GABRG3: variants seen among roughly 807,000 people sequenced by gnomAD.
GABRG3 encodes the protein gamma-aminobutyric acid type A receptor subunit gamma3, also known as gamma-aminobutyric acid receptor subunit gamma-3.
GABRG3 carries 25 observed loss-of-function variants against 48.8 expected under a neutral mutation model. The observed-to-expected ratio is 0.51, with a 90% CI of 0.37 to 0.72. GABRG3 has a LOEUF of 0.72. Ranked by LOEUF, GABRG3 falls within the 30% of genes least tolerant of loss-of-function variation. GABRG3 has a pLI of 0.00. For synonymous variants in GABRG3, 227 were observed against 217.6 expected, an observed-to-expected ratio of 1.04 and a Z score of -0.38; for missense variants, 394 against 577.9, an observed-to-expected ratio of 0.68 and a Z score of 3.26.
chr15:27,118,252 G>C (rs1365515992), intron 3 of GABRG3, among the ~76,000 whole-genome samples: 2 of 152,132 alleles, frequency 1.3e-5, no homozygotes, highest in Non-Finnish European at 2.9e-5. Flanking sequence ...CCAAGGCCTG[G>C]AACAGAGAGG....
At chr15:27,177,358 C>A (rs1887780332) in intron 3 of GABRG3, among the ~76,000 whole-genome samples, 1 of 152,212 alleles carries the variant, frequency 6.6e-6, no homozygotes, top group African/African-American at 2.4e-5. Context: ...AATCTTGTGA[C>A]CTCCAGCTAC....
intron 2 of GABRG3, 145 bp from the exon 3 acceptor site, chr15:27,026,609 C>T: frequency 2.1e-6 from 1 of 475,780 alleles, no homozygotes; most frequent in Non-Finnish European, 3.7e-6. Flanking sequence ...ATTATAATTA[C>T]AAGAGAAGTC....
chr15:27,001,659 G>A (rs1423935623), intron 2 of GABRG3, among the ~76,000 whole-genome samples: 2 of 152,178 alleles, frequency 1.3e-5, no homozygotes, highest in African/African-American at 2.4e-5. Context: ...GCAGTTGTTA[G>A]GAGGATAGGT....
intron 3 of GABRG3, among the ~76,000 whole-genome samples, chr15:27,210,168 T>A (rs1352472914): frequency 6.6e-6 from 1 of 152,122 alleles, no homozygotes; most frequent in African/African-American, 2.4e-5. Flanking sequence ...TGAAGGGACC[T>A]CCAAGGGTCG....
intron 3 of GABRG3, among the ~76,000 whole-genome samples, chr15:27,320,088 A>T (rs796641951): frequency 5.9e-5 from 9 of 152,222 alleles, no homozygotes; most frequent in African/African-American, 1.9e-4. Context: ...CTTACCATAG[A>T]GCCTGTAAAG....
chr15:27,156,084 G>A (rs1006141338), intron 3 of GABRG3, among the ~76,000 whole-genome samples: 1 of 151,992 alleles, frequency 6.6e-6, no homozygotes, highest in Non-Finnish European at 1.5e-5. Context: ...CGGATCATGA[G>A]GTCAAGAGAT....
Position 27,248,831 on chromosome 15 carries a change from G to GAGAGAGAGAA in GABRG3, c.271-77973_271-77972insGAGAAAGAGA, listed in dbSNP as rs1555412455. Among the ~76,000 whole-genome samples, 799 of 128,758 alleles carry GAGAGAGAGAA rather than the reference G, an allele frequency of 6.2e-3. 5 individuals carry two copies. The highest frequency in any genetic ancestry group is 0.018 in the African/African-American group (601 of 33,408). The allele number at this position is 128,758 out of a possible 152,430, so 84.5% of individuals were successfully genotyped here. A position where few individuals can be genotyped will look rare whatever the true frequency, so the allele number is the denominator to read the frequency against. On this transcript the variant is annotated intron_variant, in intron 3 of 9. Coordinates refer to ENST00000615808, the MANE Select transcript of GABRG3 (RefSeq NM_033223.5). Reference sequence around the variant, plus strand: ...AGAGAGAGAGAGAGAGAGAGAGAGAGAGAGACAGAGAGAAGCTGCTGTGGC... The same window carrying GAGAGAGAGAA: ...AGAGAGAGAGAGAGAGAGAGAGAGAGAGAGAGAGAAAGAGACAGAGAGAAGCTGCTGTGGC...
At chr15:26,977,200 T>C in intron 2 of GABRG3, 50 bp downstream of exon 2, 4 of 1,562,226 alleles carry the variant, frequency 2.6e-6, no homozygotes, top group Non-Finnish European at 3.5e-6. Context: ...TGTAGTGATA[T>C]GAAGTTTTTA....
intron 2 of GABRG3, among the ~76,000 whole-genome samples, chr15:26,982,668 A>G (rs1254494675): frequency 6.6e-6 from 1 of 152,246 alleles, no homozygotes; most frequent in Admixed American, 6.5e-5. Context: ...CAGCATATGT[A>G]CACACCAAGA....
At chr15:27,187,709 C>A (rs1888142528) in intron 3 of GABRG3, among the ~76,000 whole-genome samples, 1 of 151,808 alleles carries the variant, frequency 6.6e-6, no homozygotes, top group Admixed American at 6.6e-5. Context: ...CTCTCAGCTT[C>A]AATGTTAATT....
intron 2 of GABRG3, among the ~76,000 whole-genome samples, chr15:27,020,109 C>T (rs559384690): frequency 7.4e-4 from 113 of 152,252 alleles, no homozygotes; most frequent in African/African-American, 2.5e-3. Context: ...CTCTCTTCCA[C>T]GTAGGGGAAC....
At chr15:27,168,663 A>G (rs1192126648) in intron 3 of GABRG3, among the ~76,000 whole-genome samples, 1 of 152,184 alleles carries the variant, frequency 6.6e-6, no homozygotes, top group Non-Finnish European at 1.5e-5. Flanking sequence ...ATTTCCCTCA[A>G]AAAGAAACTT....
intron 3 of GABRG3, among the ~76,000 whole-genome samples, chr15:27,309,592 G>A (rs1892928332): frequency 6.6e-6 from 1 of 151,958 alleles, no homozygotes; most frequent in Non-Finnish European, 1.5e-5. Context: ...AGCTGTTAGG[G>A]AAATGCAAAT....
At position 27,297,839 on chromosome 15, in the gene GABRG3, A is replaced by G. The variant is rs147340571; in HGVS notation, c.271-28970A>G. On this transcript the variant is annotated intron_variant, in intron 3 of 9. Coordinates refer to ENST00000615808, the MANE Select transcript of GABRG3 (RefSeq NM_033223.5). ...ATACTATAACAATAATAGCACAGAA[A>G]ATTGGGGAGGGAGAATAGTGTTATA... Among the ~76,000 whole-genome samples, 25 of 152,268 alleles carry G rather than the reference A, an allele frequency of 1.6e-4. No homozygotes were observed. In the East Asian group the frequency reaches 4.0e-3, roughly 25 times the overall value.
chr15:27,237,117 T>C (rs777224555), intron 3 of GABRG3, among the ~76,000 whole-genome samples: 1 of 152,232 alleles, frequency 6.6e-6, no homozygotes, highest in African/African-American at 2.4e-5. Flanking sequence ...ATGAAGAGAA[T>C]TCAAGAGAAC....
chr15:27,159,479 C>G (rs1898520662), intron 3 of GABRG3, among the ~76,000 whole-genome samples: 1 of 151,260 alleles, frequency 6.6e-6, no homozygotes, highest in Non-Finnish European at 1.5e-5. Context: ...GAGACTCCAT[C>G]TTAAAAAAAA....
At chr15:27,053,032 A>G (rs946108619) in intron 3 of GABRG3, among the ~76,000 whole-genome samples, 2 of 152,248 alleles carry the variant, frequency 1.3e-5, no homozygotes, top group Non-Finnish European at 2.9e-5. Flanking sequence ...TTAAAGGCTT[A>G]AATGTAAGAC....
chr15:27,444,866 G>A (rs953954657), intron 5 of GABRG3, among the ~76,000 whole-genome samples: 1 of 152,058 alleles, frequency 6.6e-6, no homozygotes, highest in Non-Finnish European at 1.5e-5. Flanking sequence ...GAATAATATT[G>A]TTAAGAACAT....
intron 3 of GABRG3, among the ~76,000 whole-genome samples, chr15:27,254,573 T>C (rs972128471): frequency 3.3e-5 from 5 of 152,068 alleles, no homozygotes; most frequent in African/African-American, 1.2e-4. Context: ...GCAGATTCAG[T>C]GCGTGATGAG....
Sources: allele counts gnomAD v4.1 joint callset (sites outside exome capture counted in the v4.1 genomes callset), GRCh38; gene constraint gnomAD v4.1.1; transcripts MANE v1.5; gene names NCBI Gene and HGNC (gene_info 2026-07-23, HGNC 2026-07-21).